Variants in KDM6A observed in about 807,000 individuals in gnomAD.
The protein encoded by KDM6A is lysine-specific demethylase 6A.
KDM6A carries 11 observed loss-of-function variants against 117.6 expected under a neutral mutation model. The observed-to-expected ratio is 0.09, with a 90% CI of 0.06 to 0.15. KDM6A has a LOEUF of 0.15. Ranked by LOEUF, KDM6A falls within the 10% of genes least tolerant of loss-of-function variation. The pLI, the probability that KDM6A is intolerant of heterozygous loss-of-function variation, is 1.00. For missense variants in KDM6A, 799 were observed against 1,077.3 expected, an observed-to-expected ratio of 0.74 and a Z score of 3.62; for synonymous variants, 384 against 396.1, an observed-to-expected ratio of 0.97 and a Z score of 0.36.
chrX:45,004,360 G>A (rs372940504), intron 4 of KDM6A, among the ~76,000 whole-genome samples: 4 of 111,494 alleles, frequency 3.6e-5, no homozygotes, highest in Middle Eastern at 4.2e-3. Flanking sequence ...GGTAGAAAAC[G>A]TAAGTTTTGT....
chrX:45,106,837 A>T (rs2046545633), intron 27 of KDM6A: 1 of 242,406 alleles, frequency 4.1e-6, no homozygotes, highest in Admixed American at 5.7e-5. Context: ...AAATGAAGAC[A>T]TACTTTTTTC....
At chrX:44,873,742 C>T in intron 1 of KDM6A, 30 bp downstream of exon 1, 3 of 1,161,637 alleles carry the variant, frequency 2.6e-6, no homozygotes, top group Non-Finnish European at 3.5e-6. Context: ...GCCCGGTCGG[C>T]TCCGGACGGG....
rs779480133 is a variant in KDM6A at position 44,983,578 on chromosome X, G to A, written c.384+8863G>A. On this transcript the variant is annotated intron_variant, in intron 4 of 29. Coordinates refer to ENST00000611820, the MANE Select transcript of KDM6A (RefSeq NM_001291415.2). ...TCCCTTCCCCCTCCCCCCACCCCACGACAGGCCCCGGTGTGTGATGTTCCC... is the reference window on the plus strand; with the variant it reads ...TCCCTTCCCCCTCCCCCCACCCCACAACAGGCCCCGGTGTGTGATGTTCCC... 5.0e-4 allele frequency among the ~76,000 whole-genome samples: 28 copies of A among 55,613 alleles called. No individual in the cohort carries two copies. The East Asian group carries it at 0.012, about 24-fold the overall frequency. The allele number at this position is 55,613 out of a possible 115,157, so 48.3% of individuals were successfully genotyped here.
chrX:44,900,909 T>A (rs1273766256), intron 2 of KDM6A, among the ~76,000 whole-genome samples: 1 of 112,210 alleles, frequency 8.9e-6, no homozygotes, highest in African/African-American at 3.2e-5. Flanking sequence ...TTTGTTTATT[T>A]TCTGTGTAAT....
chrX:45,019,384 C>T (rs902680322), intron 5 of KDM6A, among the ~76,000 whole-genome samples: 3 of 111,812 alleles, frequency 2.7e-5, no homozygotes, highest in African/African-American at 9.8e-5. Context: ...TTCCACCCCT[C>T]ACTGCCATCT....
At chrX:45,075,184 A>G (rs2045057674) in intron 18 of KDM6A, among the ~76,000 whole-genome samples, 1 of 111,757 alleles carries the variant, frequency 8.9e-6, no homozygotes, top group Non-Finnish European at 1.9e-5. Context: ...CATGAAAACT[A>G]TTATTTATGT....
chrX:44,979,940 A>G (rs1028828112), intron 4 of KDM6A, among the ~76,000 whole-genome samples: 4 of 107,607 alleles, frequency 3.7e-5, no homozygotes, highest in East Asian at 2.9e-4. Context: ...TTTGTTTACT[A>G]TGTTCTTGAA....
intron 4 of KDM6A, among the ~76,000 whole-genome samples, chrX:44,989,400 C>T (rs890296671): frequency 3.7e-5 from 4 of 107,496 alleles, no homozygotes; most frequent in Admixed American, 1.0e-4. Context: ...GTGGGCTGCA[C>T]CCACTGTCCT....
intron 8 of KDM6A, among the ~76,000 whole-genome samples, chrX:45,048,195 A>C (rs1309424487): frequency 9.3e-6 from 1 of 107,861 alleles, no homozygotes; most frequent in Non-Finnish European, 1.9e-5. Context: ...AAATTTCAAC[A>C]TCTGAGTAAT....
intron 2 of KDM6A, among the ~76,000 whole-genome samples, chrX:44,926,241 T>G (rs1569445012): frequency 1.8e-5 from 2 of 110,387 alleles, no homozygotes; most frequent in East Asian, 5.7e-4. Flanking sequence ...CCTGGCTAAT[T>G]TTTGTATTTT....
chrX:44,989,735 G>T (rs1037534707), intron 4 of KDM6A, among the ~76,000 whole-genome samples: 2 of 111,835 alleles, frequency 1.8e-5, no homozygotes, highest in African/African-American at 3.3e-5. Context: ...GGAAGGATTA[G>T]TGGGAGTTTT....
chrX:45,033,594 C>G (rs752170118), intron 6 of KDM6A, among the ~76,000 whole-genome samples: 1 of 110,424 alleles, frequency 9.1e-6, no homozygotes, highest in East Asian at 2.8e-4. Flanking sequence ...GTCTCTGTCG[C>G]CTAGGTTGGA....
intron 2 of KDM6A, among the ~76,000 whole-genome samples, chrX:44,959,035 A>T (rs1252014070): frequency 9.0e-6 from 1 of 111,098 alleles, no homozygotes; most frequent in Non-Finnish European, 1.9e-5. Flanking sequence ...CTGATATTAG[A>T]ATTACCTGAG....
At chrX:45,047,664 C>CTTTTT (rs755668460) in intron 8 of KDM6A, among the ~76,000 whole-genome samples, 2 of 27,203 alleles carry the variant, frequency 7.4e-5, no homozygotes, top group Non-Finnish European at 1.6e-4. Flanking sequence ...TATCTGCTTG[C>CTTTTT]TTTTTTTTTC....
intron 2 of KDM6A, among the ~76,000 whole-genome samples, chrX:44,925,718 T>C (rs1330421517): frequency 9.0e-6 from 1 of 111,318 alleles, no homozygotes; most frequent in African/African-American, 3.3e-5. Flanking sequence ...AGTGTCCTAA[T>C]GCAAACACAC....
intron 18 of KDM6A, among the ~76,000 whole-genome samples, chrX:45,075,033 A>G (rs1055058604): frequency 1.8e-5 from 2 of 111,564 alleles, no homozygotes; most frequent in Admixed American, 1.9e-4. Flanking sequence ...GTTTTAATAC[A>G]TGGTTCATAT....
At chrX:44,959,048 A>G (rs1179272429) in intron 2 of KDM6A, among the ~76,000 whole-genome samples, 1 of 111,210 alleles carries the variant, frequency 9.0e-6, no homozygotes, top group African/African-American at 3.3e-5. Flanking sequence ...TACCTGAGAT[A>G]CTTCAAATAA....
At chrX:45,047,144 T>C (rs1400885333) in intron 8 of KDM6A, among the ~76,000 whole-genome samples, 1 of 111,701 alleles carries the variant, frequency 9.0e-6, no homozygotes, top group Non-Finnish European at 1.9e-5. Context: ...TCTTTATATT[T>C]GGTTTTCAAA....
Position 44,999,169 on chromosome X carries a change from T to C in KDM6A, c.385-11792T>C, listed in dbSNP as rs771899318. 2.8e-4 allele frequency among the ~76,000 whole-genome samples: 31 copies of C among 112,008 alleles called. No homozygotes were observed. In the South Asian group the frequency reaches 2.9e-3, roughly 11 times the overall value. On this transcript the variant is annotated intron_variant, in intron 4 of 29. Coordinates refer to ENST00000611820, the MANE Select transcript of KDM6A (RefSeq NM_001291415.2). ...AAATACAAAAATTAGCCGGCCATTGTTATATGTAAAGTTTCGGTGCCGCAA... is the reference window on the plus strand; with the variant it reads ...AAATACAAAAATTAGCCGGCCATTGCTATATGTAAAGTTTCGGTGCCGCAA...
Sources: allele counts gnomAD v4.1 joint callset (sites outside exome capture counted in the v4.1 genomes callset), GRCh38; gene constraint gnomAD v4.1.1; transcripts MANE v1.5; gene names NCBI Gene and HGNC (gene_info 2026-07-23, HGNC 2026-07-21).